Variants in WDR70 observed in about 807,000 individuals in gnomAD.
WDR70 encodes WD repeat domain 70.
Under a neutral mutation model 88.6 loss-of-function variants are expected in WDR70, and 53 were observed. That is an observed-to-expected ratio of 0.60 (90% CI 0.48 to 0.75). WDR70 has a LOEUF of 0.75. Among genes scored for constraint, WDR70 ranks in the 30% least tolerant of loss-of-function variants. WDR70 has a pLI of 0.00. For missense variants in WDR70, 610 were observed against 823.2 expected (o/e 0.74, Z 3.17); for synonymous variants, 280 against 270.0 (o/e 1.04, Z -0.36).
Position 37,396,571 on chromosome 5 carries a change from G to A in WDR70, c.492+1G>A. On this transcript the variant is annotated splice_donor_variant, in intron 5 of 17. Transcript: ENST00000265107. LOFTEE classifies it high-confidence loss of function. ...AGAAGAGGAAGAGGAGGAAGAGGAAGTAAGTATTTCAGTGGTAATTTAAGA... is the reference window on the plus strand; with the variant it reads ...AGAAGAGGAAGAGGAGGAAGAGGAAATAAGTATTTCAGTGGTAATTTAAGA... 1 of 1,605,822 alleles carries A rather than the reference G, an allele frequency of 6.2e-7. No individual in the cohort carries two copies. The highest frequency in any genetic ancestry group is 1.1e-5 in the South Asian group (1 of 90,488).
chr5:37,701,057 G>C lies in WDR70; in HGVS notation c.1193-1G>C. ...TTTTTTTCCCCTCATTCCTCTGTCA[G>C]GTGACGATTCATTAAAATTATGGGA... On this transcript the variant is annotated splice_acceptor_variant, in intron 11 of 17. Coordinates refer to ENST00000265107, the MANE Select transcript of WDR70 (RefSeq NM_018034.4). LOFTEE classifies it high-confidence loss of function. 6.2e-7 allele frequency: 1 copy of C among 1,602,780 alleles called. No homozygotes were observed. Among genetic ancestry groups the C allele is most frequent in the Non-Finnish European group, 8.5e-7 (1 of 1,170,208 alleles).
At chr5:37,655,732 T>TA (rs1045608815) in intron 10 of WDR70, among the ~76,000 whole-genome samples, 2 of 151,910 alleles carry the variant, frequency 1.3e-5, no homozygotes, top group Non-Finnish European at 2.9e-5. Context: ...TCTATTCAGC[T>TA]ATTTATACTT....
chr5:37,445,284 C>T (rs994353536), intron 7 of WDR70, among the ~76,000 whole-genome samples: 3 of 68,750 alleles, frequency 4.4e-5, no homozygotes, highest in African/African-American at 9.9e-5. Flanking sequence ...GCAAGAACTT[C>T]GTAGAGAGAT....
At chr5:37,442,496 T>A (rs1412978920) in intron 6 of WDR70, among the ~76,000 whole-genome samples, 5 of 152,008 alleles carry the variant, frequency 3.3e-5, no homozygotes, top group Admixed American at 6.6e-5. Flanking sequence ...TTAATTTTTG[T>A]ATTTTTAGTA....
At chr5:37,460,989 A>G (rs1738981378) in intron 7 of WDR70, among the ~76,000 whole-genome samples, 2 of 150,960 alleles carry the variant, frequency 1.3e-5, no homozygotes, top group East Asian at 1.9e-4. Flanking sequence ...TTCTTTTTTG[A>G]TATAATTTTT....
intron 5 of WDR70, among the ~76,000 whole-genome samples, chr5:37,421,939 G>T (rs560332022): frequency 6.6e-6 from 1 of 151,848 alleles, no homozygotes; most frequent in South Asian, 2.1e-4. Flanking sequence ...CTTGGGGTGG[G>T]AGTGAGAGTG....
chr5:37,572,419 A>G (rs1355021838), intron 9 of WDR70, among the ~76,000 whole-genome samples: 2 of 152,074 alleles, frequency 1.3e-5, no homozygotes, highest in African/African-American at 4.8e-5. Context: ...CCAGAGTCCT[A>G]GAAGTTATCC....
At chr5:37,423,694 G>T (rs1221400465) in intron 5 of WDR70, among the ~76,000 whole-genome samples, 6 of 149,742 alleles carry the variant, frequency 4.0e-5, no homozygotes, top group Admixed American at 3.3e-4. Flanking sequence ...TTCCCAGGTA[G>T]CTAGGATTAC....
chr5:37,605,504 T>C (rs1744011093), intron 10 of WDR70, among the ~76,000 whole-genome samples: 1 of 146,948 alleles, frequency 6.8e-6, no homozygotes, highest in African/African-American at 2.8e-5. Context: ...TTAAAAACCA[T>C]AGTGCAGCTT....
intron 10 of WDR70, among the ~76,000 whole-genome samples, chr5:37,670,505 G>A (rs1303660141): frequency 3.3e-5 from 5 of 152,168 alleles, no homozygotes; most frequent in South Asian, 2.1e-4. Context: ...ATATTGTAAA[G>A]GGGTGTGCCA....
intron 10 of WDR70, among the ~76,000 whole-genome samples, chr5:37,661,714 A>C (rs944278128): frequency 3.3e-5 from 5 of 152,202 alleles, no homozygotes; most frequent in African/African-American, 1.2e-4. Context: ...GTAGGATCAC[A>C]GAACTGGTTG....
At chr5:37,384,176 T>C (rs1273747791) in intron 3 of WDR70, among the ~76,000 whole-genome samples, 5,418 of 38,374 alleles carry the variant, frequency 0.14, 67 homozygotes, top group Middle Eastern at 0.43. Context: ...TTCCCCCCTT[T>C]TTTTTTTTTT....
intron 7 of WDR70, among the ~76,000 whole-genome samples, chr5:37,462,440 C>A (rs1414669304): frequency 6.6e-6 from 1 of 152,116 alleles, no homozygotes; most frequent in Non-Finnish European, 1.5e-5. Context: ...GTAGCTGGGA[C>A]TACAGGCGCC....
chr5:37,699,398 T>TACACACACACACAC (rs780835202), intron 11 of WDR70, among the ~76,000 whole-genome samples: 6,576 of 73,976 alleles, frequency 0.089, 235 homozygotes, highest in Non-Finnish European at 0.14. Context: ...TGTGTATATA[T>TACACACACACACAC]ATATACACAC....
chr5:37,526,639 G>C (rs757086817), intron 9 of WDR70, among the ~76,000 whole-genome samples: 1 of 152,142 alleles, frequency 6.6e-6, no homozygotes, highest in African/African-American at 2.4e-5. Context: ...CCAGGGCAAT[G>C]AGGCAGGAGA....
rs72226896 is a variant in WDR70 at position 37,499,587 on chromosome 5, T to TTCTCTCTCTCTC, written c.841-16896_841-16885dup. ...TTTTTAAATATGTGATTTGGAAATA[T>TTCTCTCTCTCTC]TCTCTCTCTCTCTCTCTCTCTCTCT... On this transcript the variant is annotated intron_variant, in intron 8 of 17. Coordinates refer to ENST00000265107, the MANE Select transcript of WDR70 (RefSeq NM_018034.4). 8.4e-3 allele frequency among the ~76,000 whole-genome samples: 351 copies of TTCTCTCTCTCTC among 41,756 alleles called. 7 individuals are homozygous for TTCTCTCTCTCTC. Among genetic ancestry groups the TTCTCTCTCTCTC allele is most frequent in the African/African-American group, 0.02 (334 of 16,920 alleles). 27.4% of individuals were successfully genotyped at this position (41,756 alleles called of 152,430 possible).
chr5:37,742,416 G>A (rs1391101763), intron 17 of WDR70, among the ~76,000 whole-genome samples: 1 of 151,978 alleles, frequency 6.6e-6, no homozygotes, highest in East Asian at 1.9e-4. Context: ...GCCTATTCAA[G>A]TTCTTTGCCC....
intron 10 of WDR70, among the ~76,000 whole-genome samples, chr5:37,620,633 C>G (rs976532740): frequency 5.3e-5 from 8 of 151,992 alleles, no homozygotes; most frequent in Non-Finnish European, 1.5e-5. Context: ...TTTTGTATCC[C>G]GATTTGTTCC....
chr5:37,542,848 ATTC>A (rs1263257513), intron 9 of WDR70, among the ~76,000 whole-genome samples: 6 of 152,192 alleles, frequency 3.9e-5, no homozygotes, highest in Non-Finnish European at 8.8e-5. Context: ...TATGACCACA[ATTC>A]TTCATCTTTG....
Sources: gnomAD v4.1 joint callset for allele counts (sites outside exome capture counted in the v4.1 genomes callset) on GRCh38, gnomAD v4.1.1 for gene constraint, MANE v1.5 for transcripts, NCBI Gene and HGNC (gene_info 2026-07-23, HGNC 2026-07-21) for gene names.